GRIA2: variants seen among roughly 807,000 people sequenced by gnomAD.
GRIA2 encodes glutamate ionotropic receptor AMPA type subunit 2.
In GRIA2, 14 loss-of-function variants were observed where a neutral mutation model predicts 97.3. The observed-to-expected ratio is 0.14, with a 90% CI of 0.10 to 0.23. GRIA2 has a LOEUF of 0.23. Ranked by LOEUF, GRIA2 falls within the 10% of genes least tolerant of loss-of-function variation. GRIA2 has a pLI of 1.00. For synonymous variants in GRIA2, 412 were observed against 387.8 expected, an observed-to-expected ratio of 1.06 and a Z score of -0.73; for missense variants, 558 against 1,069.8, an observed-to-expected ratio of 0.52 and a Z score of 6.67.
At chr4:157,317,449 A>G (rs1333531915) in intron 4 of GRIA2, among the ~76,000 whole-genome samples, 1 of 152,132 alleles carries the variant, frequency 6.6e-6, no homozygotes, top group East Asian at 1.9e-4. Flanking sequence ...AGAATCATTT[A>G]TTAAGCGTTA....
intron 12 of GRIA2, among the ~76,000 whole-genome samples, chr4:157,356,576 T>A (rs1330947262): frequency 1.3e-5 from 2 of 152,104 alleles, no homozygotes; most frequent in African/African-American, 4.8e-5. Flanking sequence ...AGGGGCTAAT[T>A]GAGGCAATTC....
intron 2 of GRIA2, among the ~76,000 whole-genome samples, chr4:157,250,726 A>G (rs1329029957): frequency 6.6e-6 from 1 of 152,144 alleles, no homozygotes; most frequent in East Asian, 1.9e-4. Context: ...AAAATAACAA[A>G]TCAGGAAAAG....
intron 3 of GRIA2, among the ~76,000 whole-genome samples, chr4:157,311,185 C>G (rs1384052879): frequency 2.0e-5 from 3 of 151,882 alleles, no homozygotes; most frequent in African/African-American, 7.2e-5. Flanking sequence ...CAGGAAAATG[C>G]TTGTTTTATT....
rs189245709 is a variant in GRIA2, at chr4:157,321,342, A to G, written c.721-96A>G. 132 of 829,018 alleles carry G rather than the reference A, an allele frequency of 1.6e-4. No homozygotes were observed. In the African/African-American group the frequency reaches 2.1e-3, roughly 13 times the overall value. 51.4% of individuals were successfully genotyped at this position (829,018 alleles called of 1,614,324 possible). On this transcript the variant is annotated intron_variant, in intron 5 of 15. Coordinates refer to ENST00000264426, the MANE Select transcript of GRIA2 (RefSeq NM_001083619.3). ...TATTATATCTCATATGTTCTTTGAA[A>G]TATCTAAAACCACAATGTATAGAGT...
intron 2 of GRIA2, among the ~76,000 whole-genome samples, chr4:157,252,662 A>T (rs1335144609): frequency 6.6e-6 from 1 of 152,128 alleles, no homozygotes; most frequent in Non-Finnish European, 1.5e-5. Flanking sequence ...AATGCATAAT[A>T]TTAGAGAATT....
chr4:157,318,410 C>A (rs1050566709), intron 5 of GRIA2, among the ~76,000 whole-genome samples: 1 of 151,976 alleles, frequency 6.6e-6, no homozygotes, highest in Non-Finnish European at 1.5e-5. Context: ...TGTAAGCAAC[C>A]AAATGAAAAT....
chr4:157,357,996 T>C (rs1428634761), intron 12 of GRIA2, among the ~76,000 whole-genome samples: 3 of 152,154 alleles, frequency 2.0e-5, no homozygotes, highest in South Asian at 4.1e-4. Flanking sequence ...AAAATTGACA[T>C]TTAATGGATG....
intron 4 of GRIA2, among the ~76,000 whole-genome samples, chr4:157,315,515 T>TG (rs1239383821): frequency 1.4e-5 from 2 of 147,368 alleles, no homozygotes; most frequent in African/African-American, 5.2e-5. Flanking sequence ...ATGGGTTTTT[T>TG]TTTGTTTGTT....
intron 2 of GRIA2, among the ~76,000 whole-genome samples, chr4:157,231,901 A>G (rs1194831746): frequency 6.6e-6 from 1 of 152,206 alleles, no homozygotes; most frequent in Non-Finnish European, 1.5e-5. Flanking sequence ...TCACAATTCT[A>G]CATGTGTTTA....
chr4:157,273,470 G>C (rs1479876252), intron 2 of GRIA2, among the ~76,000 whole-genome samples: 4 of 151,990 alleles, frequency 2.6e-5, no homozygotes, highest in Non-Finnish European at 5.9e-5. Context: ...TATGCTAAGG[G>C]CTTCAATGGC....
At chr4:157,318,641 AC>A (rs1252205697) in intron 5 of GRIA2, among the ~76,000 whole-genome samples, 3 of 152,212 alleles carry the variant, frequency 2.0e-5, no homozygotes, top group Non-Finnish European at 4.4e-5. Flanking sequence ...TAGAATTATC[AC>A]TAGAAATTTC....
intron 2 of GRIA2, among the ~76,000 whole-genome samples, chr4:157,256,222 A>AT (rs1309277039): frequency 3.3e-5 from 4 of 122,120 alleles, no homozygotes; most frequent in African/African-American, 1.0e-4. Flanking sequence ...TATATATAAT[A>AT]TATAATATAT....
chr4:157,265,642 T>C (rs569104459), intron 2 of GRIA2, among the ~76,000 whole-genome samples: 2 of 152,156 alleles, frequency 1.3e-5, no homozygotes, highest in Admixed American at 6.6e-5. Flanking sequence ...GGAGAAGAAA[T>C]ATATTTCAAT....
chr4:157,227,542 C>G (rs1729803375), intron 2 of GRIA2, among the ~76,000 whole-genome samples: 2 of 152,110 alleles, frequency 1.3e-5, no homozygotes, highest in Admixed American at 6.6e-5. Context: ...GAAATAAAGT[C>G]TAAATTGAGA....
At chr4:157,320,544 T>G (rs1429759257) in intron 5 of GRIA2, among the ~76,000 whole-genome samples, 1 of 152,050 alleles carries the variant, frequency 6.6e-6, no homozygotes, top group African/African-American at 2.4e-5. Context: ...GAAACAAAAT[T>G]GTGAGCCAAT....
intron 2 of GRIA2, among the ~76,000 whole-genome samples, chr4:157,270,690 G>A (rs897093907): frequency 6.6e-6 from 1 of 152,050 alleles, no homozygotes; most frequent in African/African-American, 2.4e-5. Flanking sequence ...GACACCTTGT[G>A]TGCACCCTTA....
At chr4:157,267,051 C>T (rs1295438082) in intron 2 of GRIA2, among the ~76,000 whole-genome samples, 1 of 151,522 alleles carries the variant, frequency 6.6e-6, no homozygotes, top group East Asian at 1.9e-4. Flanking sequence ...GCACTCAAAC[C>T]TGAGCAATTT....
intron 2 of GRIA2, among the ~76,000 whole-genome samples, chr4:157,259,531 A>T (rs1245358344): frequency 1.3e-5 from 2 of 152,150 alleles, no homozygotes; most frequent in African/African-American, 2.4e-5. Flanking sequence ...TTCACAGATG[A>T]TATGAACTTT....
At chr4:157,269,609 A>G in intron 2 of GRIA2, among the ~76,000 whole-genome samples, 1 of 152,068 alleles carries the variant, frequency 6.6e-6, no homozygotes, top group East Asian at 1.9e-4. Context: ...GAGGCATGAC[A>G]TGAGCTTTCA....
Sources: gnomAD v4.1 joint callset for allele counts (sites outside exome capture counted in the v4.1 genomes callset) on GRCh38, gnomAD v4.1.1 for gene constraint, MANE v1.5 for transcripts, NCBI Gene and HGNC (gene_info 2026-07-23, HGNC 2026-07-21) for gene names.